Variants in QARS1 observed in about 807,000 individuals in gnomAD.
QARS1 encodes glutaminyl-tRNA synthetase 1, also known as glutamine--tRNA ligase.
A neutral mutation model predicts 106.9 loss-of-function variants in QARS1; 79 were observed. The ratio of observed to expected loss-of-function variants is 0.74; its 90% CI spans 0.62 to 0.89. The LOEUF is 0.89. Among genes scored for constraint, QARS1 ranks in the 40% least tolerant of loss-of-function variants. QARS1 has a pLI of 0.00. For missense variants in QARS1, 966 were observed against 997.2 expected (o/e 0.97, Z 0.42); for synonymous variants, 395 against 367.7 (o/e 1.07, Z -0.85).
chr3:49,102,549 C>A, intron 5 of QARS1, 77 bp from the exon 6 acceptor site: 1 of 1,528,040 alleles, frequency 6.5e-7, no homozygotes, highest in South Asian at 1.1e-5. Context: ...ACCCACCAAC[C>A]CAAGGCTTCC....
At chr3:49,100,548 C>T (rs1244765078) in intron 11 of QARS1, 27 bp downstream of exon 11, 1 of 1,591,182 alleles carries the variant, frequency 6.3e-7, no homozygotes, top group Non-Finnish European at 8.6e-7. Flanking sequence ...TAACCACCAG[C>T]CCTTCTAGGC....
chr3:49,101,208 G>C, intron 10 of QARS1, 147 bp downstream of exon 10: 1 of 643,500 alleles, frequency 1.6e-6, no homozygotes, highest in South Asian at 1.9e-5. Flanking sequence ...AGATTCCTAG[G>C]TATCTGTCAC....
intron 6 of QARS1, 39 bp from the exon 7 acceptor site, chr3:49,102,304 A>G (rs2042482033): frequency 6.2e-7 from 1 of 1,613,856 alleles, no homozygotes; most frequent in South Asian, 1.1e-5. Context: ...ATGGCATCAA[A>G]TTTTCTCTTG....
At position 49,104,580 on chromosome 3, in the gene QARS1, G is replaced by C. The variant is rs761412470; in HGVS notation, c.117+37C>G. On this transcript the variant is annotated intron_variant, in intron 1 of 23. Transcript: ENST00000306125. ...CCCGCCCCGCGCTGCGTTGCAGCAT[G>C]GTCTGCAAACCAGGCCGGGGGCAGA... 4 of 1,597,444 alleles carry C rather than the reference G, an allele frequency of 2.5e-6. No homozygotes were observed. The South Asian group carries it at 4.4e-5, about 18-fold the overall frequency.
In QARS1 at chr3:49,099,828, T is replaced by C; in HGVS notation, c.1321A>G (p.Thr441Ala). ...TCGATGGAGTCACAGAGGCAGTGTGTGTAGTCGTAGGTGGGATAGATGCAC... is the reference window on the plus strand; with the variant it reads ...TCGATGGAGTCACAGAGGCAGTGTGCGTAGTCGTAGGTGGGATAGATGCAC... The part of the protein sequence containing the change: ...KWCIYPTYDY[T>A]HCLCDSIEHI... The change falls in exon 15 of 24, where the codon ACA becomes GCA. Residue 441 changes from threonine to alanine, a missense_variant. By Grantham distance (58) the Thr-to-Ala change is moderately conservative (BLOSUM62 0). Transcript: ENST00000306125. 1.2e-6 allele frequency: 2 copies of C among 1,613,940 alleles called. No homozygotes were observed. The highest frequency in any genetic ancestry group is 1.7e-6 in the Non-Finnish European group (2 of 1,179,978).
In QARS1 at chr3:49,095,979, G is replaced by A. The variant is rs757774398; in HGVS notation, c.*50C>T. 3.2e-5 allele frequency: 51 copies of A among 1,571,662 alleles called. No homozygotes were observed. In the Admixed American group the frequency reaches 6.4e-4, roughly 20 times the overall value. On this transcript the variant is annotated 3_prime_UTR_variant, in exon 24 of 24. Transcript: ENST00000306125. The stretch of plus-strand genomic sequence containing the variant: ...TTATTGACATGGAATTTGGGGTGGC[G>A]AGGGTAGCCACACCCTCCAGGAGGA...
In QARS1 at chr3:49,099,394, G is replaced by C; in HGVS notation, c.1564C>G (p.Leu522Val). 6.2e-7 allele frequency: 1 copy of C among 1,614,200 alleles called. No homozygotes were observed. Among genetic ancestry groups the C allele is most frequent in the Non-Finnish European group, 8.5e-7 (1 of 1,180,024 alleles). Reference protein sequence around the residue: ...DDPRLFTLTALRRRGFPPEAI... With the variant: ...DDPRLFTLTAVRRRGFPPEAI... ...TCAGGTGGGAAGCCCCGCCGTCGCA[G>C]GGCCGTGAGTGTAAAGAGCCGTGGG... is the stretch of plus-strand genomic sequence containing the variant. The change falls in exon 17 of 24, where the codon CTG becomes GTG. Residue 522 changes from leucine (L) to valine (V), a missense_variant. Physicochemically the swap from Leu to Val is conservative, Grantham distance 32. Transcript: ENST00000306125.
Position 49,098,933 on chromosome 3 carries a change from C to A in QARS1, c.1815G>T (p.Gln605His). ...FPADETKGFH[Q>H]VPFAPIVFIE... ...TGAAGACAATGGGTGCAAAGGGAAC[C>A]TGATGGAAGCCTTTGGTCTCATCAG... The change falls in exon 19 of 24, where the codon CAG becomes CAT. Residue 605 changes from glutamine (Q) to histidine (H), a missense_variant. By Grantham distance (24) the Gln-to-His change is conservative (BLOSUM62 0). Transcript: ENST00000306125. 6.2e-7 allele frequency: 1 copy of A among 1,614,162 alleles called. No homozygotes were observed. The highest frequency in any genetic ancestry group is 1.1e-5 in the South Asian group (1 of 91,076).
Position 49,098,492 on chromosome 3 carries a change from G to A in QARS1, c.1957-12C>T, listed in dbSNP as rs1250338393. 6.2e-7 allele frequency: 1 copy of A among 1,614,120 alleles called. No individual in the cohort carries two copies. The highest frequency in any genetic ancestry group is 1.1e-5 in the South Asian group (1 of 91,082). Reference sequence around the variant, plus strand: ...CAACCACTGGGGCCCTGGAAGTGGGGGGAGGGGAGCAGCAATTAGACCCGG... The same window carrying A: ...CAACCACTGGGGCCCTGGAAGTGGGAGGAGGGGAGCAGCAATTAGACCCGG... On this transcript the variant is annotated splice_polypyrimidine_tract_variant and intron_variant, in intron 20 of 23. Transcript: ENST00000306125.
intron 20 of QARS1, 37 bp downstream of exon 20, chr3:49,098,563 C>T (rs768876281): frequency 1.2e-6 from 2 of 1,608,758 alleles, no homozygotes; most frequent in East Asian, 4.5e-5. Flanking sequence ...TTGGCCCCAG[C>T]AGGCACTGCA....
chr3:49,102,017 C>T, intron 7 of QARS1, 118 bp from the exon 8 acceptor site: 1 of 1,328,940 alleles, frequency 7.5e-7, no homozygotes, highest in Non-Finnish European at 1.0e-6. Flanking sequence ...TATCTAGAGC[C>T]AGACATCTGA....
At position 49,103,329 on chromosome 3, in the gene QARS1, A is replaced by G. The variant is rs1575403457; in HGVS notation, c.516+16T>C. ...CCAGAGTCTTTGCCAGCTTCAGCTT[A>G]GTGAAGCACGCTCACCTGCATGTCC... On this transcript the variant is annotated intron_variant, in intron 5 of 23. Transcript: ENST00000306125. 6 of 1,613,338 alleles carry G rather than the reference A, an allele frequency of 3.7e-6. No homozygotes were observed. Among genetic ancestry groups the G allele is most frequent in the Non-Finnish European group, 4.2e-6 (5 of 1,179,674 alleles).
chr3:49,101,258 C>T, intron 10 of QARS1, 97 bp downstream of exon 10: 2 of 945,822 alleles, frequency 2.1e-6, no homozygotes, highest in Non-Finnish European at 3.3e-6. Context: ...CACCTGGGTA[C>T]ATTATTGGGA....
rs1269031366 is a variant in QARS1 at position 49,098,339 on chromosome 3, C to T, written c.2084+14G>A. The stretch of plus-strand genomic sequence containing the variant: ...CATCTTGTACCTGCCCCCACCCCAG[C>T]TCTGTTCACTCACAGTCGCTCATAG... On this transcript the variant is annotated intron_variant, in intron 21 of 23. Coordinates refer to ENST00000306125, the MANE Select transcript of QARS1 (RefSeq NM_005051.3). 5 of 1,614,216 alleles carry T rather than the reference C, an allele frequency of 3.1e-6. No homozygotes were observed. The highest frequency in any genetic ancestry group is 1.6e-4 in the Middle Eastern group (1 of 6,062).
At position 49,100,030 on chromosome 3, in the gene QARS1, T is replaced by C. The variant is rs1390028553; in HGVS notation, c.1226A>G (p.Glu409Gly). The change falls in exon 14 of 24, where the codon GAG becomes GGG. Residue 409 changes from glutamate (E) to glycine (G), a missense_variant. By Grantham distance (98) the Glu-to-Gly change is moderately conservative. Transcript: ENST00000306125. ...GGCTACAGGGTCCATCTTGCCATCCTCCATCACCAGCTTCATCCGTAGTGT... is the reference window on the plus strand; with the variant it reads ...GGCTACAGGGTCCATCTTGCCATCCCCCATCACCAGCTTCATCCGTAGTGT... Reference protein sequence around the residue: ...EATLRMKLVMEDGKMDPVAYR... With the variant: ...EATLRMKLVMGDGKMDPVAYR... The C allele has an allele frequency of 6.2e-7, 1 of 1,614,226 alleles. No homozygotes were observed. The highest frequency in any genetic ancestry group is 8.5e-7 in the Non-Finnish European group (1 of 1,180,034).
In QARS1 at chr3:49,099,973, G is replaced by A. The variant is rs1428175641; in HGVS notation, c.1283C>T (p.Thr428Ile). ...YRVKYTPHHR[T>I]GDKWCIYPTY... ...ATTCTACACCCACCATTTGTCCCCTGTGCGGTGGTGTGGTGTATACTTGAC... is the reference window on the plus strand; with the variant it reads ...ATTCTACACCCACCATTTGTCCCCTATGCGGTGGTGTGGTGTATACTTGAC... The change falls in exon 14 of 24, where the codon ACA (threonine) becomes ATA (isoleucine). Residue 428 changes from threonine to isoleucine, a missense_variant. By Grantham distance (89) the Thr-to-Ile change is moderately conservative (BLOSUM62 -1). Coordinates refer to ENST00000306125, the MANE Select transcript of QARS1 (RefSeq NM_005051.3). 3.7e-6 allele frequency: 6 copies of A among 1,614,170 alleles called. No individual in the cohort carries two copies. The East Asian group carries it at 1.3e-4, about 36-fold the overall frequency.
In QARS1 at chr3:49,099,570, A is replaced by T; in HGVS notation, c.1466T>A (p.Leu489Gln). Residue 489 changes from leucine to glutamine, a missense_variant, in exon 16 of 24, where the codon CTG becomes CAG. Physicochemically the swap from Leu to Gln is moderately radical, Grantham distance 113. Transcript: ENST00000306125. ...CCTCTTAGAGACAACAGCATAGTGC[A>T]GGTTGAGGCGGCCATACTCCCACTG... is the stretch of plus-strand genomic sequence containing the variant. ...PVQWEYGRLN[L>Q]HYAVVSKRKI... 6.2e-7 allele frequency: 1 copy of T among 1,614,228 alleles called. No homozygotes were observed. The highest frequency in any genetic ancestry group is 8.5e-7 in the Non-Finnish European group (1 of 1,180,030).
chr3:49,097,936 T>C, intron 23 of QARS1, 56 bp downstream of exon 23: 5 of 1,608,792 alleles, frequency 3.1e-6, no homozygotes, highest in Non-Finnish European at 4.2e-6. Flanking sequence ...CTTGGCACAA[T>C]GAACGGCAGC....
At chr3:49,102,810 T>A (rs1440276103) in intron 5 of QARS1, 3 of 374,198 alleles carry the variant, frequency 8.0e-6, no homozygotes, top group Admixed American at 7.4e-5. Flanking sequence ...ACCCAGCTAA[T>A]TTTTGTACTT....
Sources: allele counts gnomAD v4.1 joint callset, GRCh38; gene constraint gnomAD v4.1.1; transcripts MANE v1.5; gene names NCBI Gene and HGNC (gene_info 2026-07-23, HGNC 2026-07-21).